GLIS3: variants seen among roughly 807,000 people sequenced by gnomAD.
GLIS3 encodes the protein GLIS family zinc finger 3.
In GLIS3, 53 loss-of-function variants were observed where a neutral mutation model predicts 78.6. That is an observed-to-expected ratio of 0.67 (90% CI 0.54 to 0.85). The LOEUF (loss-of-function observed/expected upper bound fraction) is 0.85, where lower values mean the gene tolerates loss of function less well. Among genes scored for constraint, GLIS3 ranks in the 40% least tolerant of loss-of-function variants. GLIS3 has a pLI of 0.00. For missense variants in GLIS3, 1,703 were observed against 1,231.1 expected (o/e 1.38, Z -5.74); for synonymous variants, 684 against 509.9 (o/e 1.34, Z -4.60).
intron 2 of GLIS3, among the ~76,000 whole-genome samples, chr9:4,249,537 C>T (rs1482731358): frequency 6.6e-6 from 1 of 152,126 alleles, no homozygotes; most frequent in East Asian, 1.9e-4. Context: ...ATGGGGTTTC[C>T]TAAATATACA....
At chr9:3,874,935 C>A (rs894436231) in intron 8 of GLIS3, among the ~76,000 whole-genome samples, 19 of 152,232 alleles carry the variant, frequency 1.2e-4, no homozygotes, top group Non-Finnish European at 2.6e-4. Flanking sequence ...ACCTGAACGA[C>A]AAAGCGCACT....
chr9:4,216,206 C>T (rs1465014861), intron 2 of GLIS3, among the ~76,000 whole-genome samples: 2 of 152,050 alleles, frequency 1.3e-5, no homozygotes, highest in East Asian at 3.9e-4. Context: ...GGCACGGTGG[C>T]TCACACCTGT....
intron 1 of GLIS3, 75 bp from the exon 2 acceptor site, chr9:4,286,598 G>A: frequency 1.3e-6 from 1 of 748,386 alleles, no homozygotes; most frequent in Non-Finnish European, 2.2e-6. Flanking sequence ...TTCAACCTGT[G>A]TATCATTCAT....
At chr9:4,250,095 C>G (rs1011973180) in intron 2 of GLIS3, among the ~76,000 whole-genome samples, 1 of 152,058 alleles carries the variant, frequency 6.6e-6, no homozygotes, top group East Asian at 1.9e-4. Context: ...TTTGTTGTAT[C>G]TCTGCCAGGT....
At chr9:4,228,194 G>A (rs1244038981) in intron 2 of GLIS3, among the ~76,000 whole-genome samples, 11 of 104,274 alleles carry the variant, frequency 1.1e-4, no homozygotes, top group Non-Finnish European at 1.5e-4. Flanking sequence ...GAAGTCTAAG[G>A]TGGCAAAAAA....
rs7042520 is a variant in GLIS3 at position 3,898,436 on chromosome 9, A to G, written c.2128+255T>C. 1 allele frequency: 516,714 copies of G among 518,348 alleles called. 257,571 individuals are homozygous for G. The highest frequency in any genetic ancestry group is 1 in the Middle Eastern group (1,888 of 1,888). The allele number at this position is 518,348 out of a possible 1,614,324, so 32.1% of individuals were successfully genotyped here. On this transcript the variant is annotated intron_variant, in intron 7 of 10. Transcript: ENST00000381971. ...TGTAACATAACTGCGAGGGTTGGGT[A>G]CACTGAATTTCTGGCAGAAGTCCAT...
chr9:4,161,092 A>AAAG (rs1586842605), intron 2 of GLIS3, among the ~76,000 whole-genome samples: 1 of 150,758 alleles, frequency 6.6e-6, no homozygotes, highest in Non-Finnish European at 1.5e-5. Flanking sequence ...AAAAAAAAAA[A>AAAG]AAAGAAAGAA....
chr9:4,333,820 G>C (rs1023918899), intron 2 of GLIS3, among the ~76,000 whole-genome samples: 1 of 138,428 alleles, frequency 7.2e-6, no homozygotes, highest in Non-Finnish European at 1.5e-5. Context: ...CCTCCCAAGA[G>C]AAATTATATT....
At chr9:4,373,369 A>T in the GLIS3 span, among the ~76,000 whole-genome samples, 3 of 152,306 alleles carry the variant, frequency 2.0e-5, no homozygotes, top group African/African-American at 7.2e-5. Flanking sequence ...TCACTGAAGA[A>T]CTACTAATTC....
At chr9:4,187,314 T>G (rs143437670) in intron 2 of GLIS3, among the ~76,000 whole-genome samples, 20,859 of 152,156 alleles carry the variant, frequency 0.14, 1,563 homozygotes, top group Middle Eastern at 0.23. Context: ...GTAGATATGC[T>G]GCGTTATTTC....
intron 4 of GLIS3, among the ~76,000 whole-genome samples, chr9:3,949,106 T>A (rs1816498162): frequency 6.6e-6 from 1 of 152,220 alleles, no homozygotes; most frequent in Admixed American, 6.5e-5. Flanking sequence ...TCCAAAGGAA[T>A]GTTATTTTTC....
At chr9:3,947,467 G>A (rs980215955) in intron 4 of GLIS3, among the ~76,000 whole-genome samples, 2 of 152,220 alleles carry the variant, frequency 1.3e-5, no homozygotes, top group African/African-American at 4.8e-5. Flanking sequence ...GCAAATATGT[G>A]CATATGCATT....
chr9:4,297,037 C>A (rs1249924522), intron 1 of GLIS3, among the ~76,000 whole-genome samples: 1 of 151,608 alleles, frequency 6.6e-6, no homozygotes, highest in African/African-American at 2.4e-5. Flanking sequence ...ACCTGCTTCA[C>A]ACAGAACCAG....
chr9:4,037,303 C>G, intron 4 of GLIS3, among the ~76,000 whole-genome samples: 1 of 152,102 alleles, frequency 6.6e-6, no homozygotes, highest in East Asian at 1.9e-4. Context: ...CTGTCACTTC[C>G]TAGCTTTGTG....
intron 4 of GLIS3, among the ~76,000 whole-genome samples, chr9:4,002,207 A>T (rs1009409556): frequency 3.3e-5 from 5 of 152,200 alleles, no homozygotes; most frequent in Admixed American, 6.5e-5. Context: ...GACATGAGTA[A>T]GAGGTCACAA....
chr9:4,217,286 T>C (rs1448745097), intron 2 of GLIS3, among the ~76,000 whole-genome samples: 1 of 152,198 alleles, frequency 6.6e-6, no homozygotes, highest in Non-Finnish European at 1.5e-5. Flanking sequence ...AGGCTCCATA[T>C]CTGGTTGTAA....
chr9:4,135,568 A>G (rs1234296528), intron 2 of GLIS3, among the ~76,000 whole-genome samples: 2 of 152,160 alleles, frequency 1.3e-5, no homozygotes, highest in African/African-American at 4.8e-5. Context: ...AAACATTATT[A>G]TATTACTCAA....
At position 4,222,565 on chromosome 9, in the gene GLIS3, G is replaced by A. The variant is rs754663622; in HGVS notation, c.388+63473C>T. Reference sequence around the variant, plus strand: ...CTTTGCTTAACCCCATGGTACTGGAGTTTGCCAAATGTTTCAAGTCACAGT... The same window carrying A: ...CTTTGCTTAACCCCATGGTACTGGAATTTGCCAAATGTTTCAAGTCACAGT... On this transcript the variant is annotated intron_variant, in intron 2 of 10. Transcript: ENST00000381971. 4.6e-5 allele frequency among the ~76,000 whole-genome samples: 7 copies of A among 152,324 alleles called. No homozygotes were observed. In the South Asian group the frequency reaches 6.2e-4, roughly 14 times the overall value.
intron 8 of GLIS3, among the ~76,000 whole-genome samples, chr9:3,865,414 C>T (rs1446552877): frequency 1.3e-5 from 2 of 152,202 alleles, no homozygotes; most frequent in Non-Finnish European, 1.5e-5. Flanking sequence ...TATTCTATGT[C>T]AGAGAGGAAG....
Sources: gnomAD v4.1 joint callset for allele counts (sites outside exome capture counted in the v4.1 genomes callset) on GRCh38, gnomAD v4.1.1 for gene constraint, MANE v1.5 for transcripts, NCBI Gene and HGNC (gene_info 2026-07-23, HGNC 2026-07-21) for gene names.